Variants in PLXDC2 observed in about 807,000 individuals in gnomAD.
PLXDC2 encodes the protein plexin domain-containing protein 2.
A neutral mutation model predicts 68.9 loss-of-function variants in PLXDC2; 40 were observed. The observed-to-expected ratio is 0.58, with a 90% confidence interval of 0.45 to 0.76. PLXDC2 has a LOEUF of 0.76. Ranked by LOEUF, PLXDC2 falls within the 30% of genes least tolerant of loss-of-function variation. The pLI is 0.00. For synonymous variants in PLXDC2, 243 were observed against 234.2 expected (o/e 1.04, Z -0.34); for missense variants, 644 against 661.9 (o/e 0.97, Z 0.30).
At chr10:19,853,301 C>T (rs1322694236) in intron 1 of PLXDC2, among the ~76,000 whole-genome samples, 1 of 152,134 alleles carries the variant, frequency 6.6e-6, no homozygotes, top group Non-Finnish European at 1.5e-5. Context: ...AGAATGTGAA[C>T]ATTATTTTCT....
At chr10:19,905,094 G>C (rs1440585090) in intron 1 of PLXDC2, among the ~76,000 whole-genome samples, 1 of 152,184 alleles carries the variant, frequency 6.6e-6, no homozygotes, top group African/African-American at 2.4e-5. Flanking sequence ...TGTAGGCATA[G>C]GTAACACCCT....
At chr10:20,030,292 G>A (rs1410102431) in intron 2 of PLXDC2, among the ~76,000 whole-genome samples, 1 of 152,122 alleles carries the variant, frequency 6.6e-6, no homozygotes, top group African/African-American at 2.4e-5. Context: ...CCTTTTATAA[G>A]GAGATAGGAT....
rs569030925 is a variant in PLXDC2 at position 20,117,244 on chromosome 10, T to C, written c.542-26051T>C. On this transcript the variant is annotated intron_variant, in intron 4 of 13. Coordinates refer to ENST00000377252, the MANE Select transcript of PLXDC2 (RefSeq NM_032812.9). ...GTGAAGGATGTTGTGAAAAATGTCA[T>C]AAAAAATTAAAAGATTTCCAAGAGT... 4.1e-4 allele frequency among the ~76,000 whole-genome samples: 63 copies of C among 152,212 alleles called. 1 individual carries two copies. The South Asian group carries it at 0.012, about 29-fold the overall frequency.
At chr10:20,175,460 T>C (rs1834513615) in intron 7 of PLXDC2, among the ~76,000 whole-genome samples, 2 of 152,138 alleles carry the variant, frequency 1.3e-5, no homozygotes, top group Admixed American at 6.5e-5. Flanking sequence ...AGTAGGAGGA[T>C]TGCTTGAGCC....
intron 1 of PLXDC2, among the ~76,000 whole-genome samples, chr10:19,857,864 A>T (rs569143684): frequency 8.9e-4 from 135 of 152,326 alleles, no homozygotes; most frequent in African/African-American, 3.1e-3. Flanking sequence ...TCCATGGGCA[A>T]TTGATTCATC....
intron 4 of PLXDC2, among the ~76,000 whole-genome samples, chr10:20,119,330 C>A (rs539057029): frequency 2.0e-5 from 3 of 148,278 alleles, no homozygotes; most frequent in Non-Finnish European, 3.0e-5. Flanking sequence ...GGGGTGGGGC[C>A]GTTTTATAAG....
chr10:20,125,940 ATATAT>A (rs892840955), intron 4 of PLXDC2, among the ~76,000 whole-genome samples: 3 of 147,288 alleles, frequency 2.0e-5, no homozygotes, highest in African/African-American at 7.4e-5. Flanking sequence ...GAACATATAT[ATATAT>A]ATATATAATA....
At chr10:19,954,349 G>C (rs978069226) in intron 1 of PLXDC2, among the ~76,000 whole-genome samples, 11 of 152,114 alleles carry the variant, frequency 7.2e-5, no homozygotes, top group Admixed American at 5.9e-4. Context: ...TGTGTAATTG[G>C]CAGCTAACGT....
intron 1 of PLXDC2, among the ~76,000 whole-genome samples, chr10:19,891,408 C>T (rs199891286): frequency 2.0e-5 from 3 of 151,902 alleles, no homozygotes; most frequent in Non-Finnish European, 4.4e-5. Context: ...TATTTTCTCC[C>T]TTTTTTCTTC....
chr10:20,241,945 C>CATGG (rs1045702659), intron 12 of PLXDC2, among the ~76,000 whole-genome samples: 105 of 151,490 alleles, frequency 6.9e-4, no homozygotes, highest in African/African-American at 2.1e-3. Flanking sequence ...TAGATGGATG[C>CATGG]ATGGATGGAT....
chr10:20,131,228 A>G (rs757129347), intron 4 of PLXDC2, among the ~76,000 whole-genome samples: 3 of 137,500 alleles, frequency 2.2e-5, no homozygotes, highest in Non-Finnish European at 4.8e-5. Flanking sequence ...CATATTTTCT[A>G]TTCTATTTAG....
intron 2 of PLXDC2, among the ~76,000 whole-genome samples, chr10:20,021,825 A>G (rs1338165937): frequency 1.3e-5 from 2 of 152,012 alleles, no homozygotes; most frequent in Admixed American, 6.5e-5. Context: ...CAGCCTCCCA[A>G]GTAGCTGGGA....
chr10:20,068,050 A>C (rs1836244852), intron 3 of PLXDC2, 120 bp from the exon 4 acceptor site: 1 of 790,362 alleles, frequency 1.3e-6, no homozygotes, highest in African/African-American at 1.8e-5. Context: ...TTTAAAAGAG[A>C]ACTACAATAA....
At chr10:20,189,853 G>A (rs1395195194) in intron 9 of PLXDC2, among the ~76,000 whole-genome samples, 1 of 151,490 alleles carries the variant, frequency 6.6e-6, no homozygotes, top group Non-Finnish European at 1.5e-5. Context: ...TGGCCACTGA[G>A]TCATCTACCA....
chr10:20,080,767 C>G (rs1181542270), intron 4 of PLXDC2, among the ~76,000 whole-genome samples: 3 of 152,208 alleles, frequency 2.0e-5, no homozygotes, highest in African/African-American at 7.2e-5. Flanking sequence ...TCAATCCAAT[C>G]AAGTTGACCC....
intron 1 of PLXDC2, among the ~76,000 whole-genome samples, chr10:19,829,114 T>C (rs937814471): frequency 2.0e-5 from 3 of 151,592 alleles, no homozygotes; most frequent in South Asian, 2.1e-4. Context: ...GTTCTGAAAT[T>C]GTGCACGTGC....
At chr10:20,018,077 C>A (rs1330544277) in intron 2 of PLXDC2, among the ~76,000 whole-genome samples, 1 of 152,180 alleles carries the variant, frequency 6.6e-6, no homozygotes, top group Non-Finnish European at 1.5e-5. Flanking sequence ...ATTGGCTATT[C>A]ATTCATTATT....
intron 1 of PLXDC2, among the ~76,000 whole-genome samples, chr10:19,856,379 GACACACACACACACAC>G (rs34129216): frequency 6.9e-6 from 1 of 144,224 alleles, no homozygotes; most frequent in Admixed American, 6.9e-5. Flanking sequence ...CACACACACA[GACACACACACACACAC>G]ACACACACAC....
chr10:19,991,834 GGC>G, intron 1 of PLXDC2, among the ~76,000 whole-genome samples: 1 of 152,082 alleles, frequency 6.6e-6, no homozygotes, highest in Non-Finnish European at 1.5e-5. Context: ...GATTACATCT[GGC>G]CTCTTCTGCC....
Sources: allele counts gnomAD v4.1 joint callset (sites outside exome capture counted in the v4.1 genomes callset), GRCh38; gene constraint gnomAD v4.1.1; transcripts MANE v1.5; gene names NCBI Gene and HGNC (gene_info 2026-07-23, HGNC 2026-07-21).